Variants in CTSS observed in about 807,000 individuals in gnomAD.
CTSS encodes cathepsin S.
CTSS carries 15 observed loss-of-function variants against 39.9 expected under a neutral mutation model. The observed-to-expected ratio is 0.38, with a 90% CI of 0.25 to 0.58. The LOEUF (loss-of-function observed/expected upper bound fraction) is 0.58. Ranked by LOEUF, CTSS falls within the 20% of genes least tolerant of loss-of-function variation. The pLI, the probability that CTSS is intolerant of heterozygous loss-of-function variation, is 0.70. For synonymous variants in CTSS, 126 were observed against 138.2 expected, an observed-to-expected ratio of 0.91 and a Z score of 0.62; for missense variants, 250 against 398.2, an observed-to-expected ratio of 0.63 and a Z score of 3.17.
intron 1 of CTSS, 22 bp from the exon 2 acceptor site, chr1:150,764,786 A>G: frequency 6.2e-7 from 1 of 1,612,048 alleles, no homozygotes; most frequent in Non-Finnish European, 8.5e-7. Flanking sequence ...AAGGTAACAT[A>G]GGAAGTGTTG....
chr1:150,742,481 T>C (rs1463969960), intron 7 of CTSS, among the ~76,000 whole-genome samples: 1 of 152,076 alleles, frequency 6.6e-6, no homozygotes, highest in Non-Finnish European at 1.5e-5. Flanking sequence ...TATGAAAATA[T>C]AGTGGAAGAA....
chr1:150,764,414 T>C (rs1217092201), intron 2 of CTSS, among the ~76,000 whole-genome samples: 1 of 151,972 alleles, frequency 6.6e-6, no homozygotes, highest in East Asian at 1.9e-4. Context: ...ATTTTTGTAT[T>C]TTTAGTAGAG....
chr1:150,740,039 T>C lies in CTSS; in HGVS notation c.897-6894A>G, dbSNP rs374623127. Among the ~76,000 whole-genome samples, 5 of 152,326 alleles carry C rather than the reference T, an allele frequency of 3.3e-5. No homozygotes were observed. The East Asian group carries it at 7.7e-4, about 24-fold the overall frequency. ...CTTGAGGGACGGTAGAAGAGCTGCA[T>C]TTTTCATTTCCAATCGCTAGTTCCT... On this transcript the variant is annotated intron_variant, in intron 7 of 7. Transcript: ENST00000368985.
intron 7 of CTSS, among the ~76,000 whole-genome samples, chr1:150,735,551 C>T (rs587674557): frequency 3.2e-4 from 48 of 152,232 alleles, no homozygotes; most frequent in Middle Eastern, 3.4e-3. Context: ...CAAACTCCAT[C>T]GTCACCTCTA....
chr1:150,761,199 A>G (rs1330039716), intron 2 of CTSS, among the ~76,000 whole-genome samples: 2 of 145,776 alleles, frequency 1.4e-5, no homozygotes, highest in Non-Finnish European at 3.0e-5. Flanking sequence ...AAAAAAAAAG[A>G]GAGAAGAAAG....
At chr1:150,746,815 A>G (rs1259069549) in intron 7 of CTSS, among the ~76,000 whole-genome samples, 1 of 152,196 alleles carries the variant, frequency 6.6e-6, no homozygotes, top group Non-Finnish European at 1.5e-5. Flanking sequence ...AGGAGGCAAC[A>G]AATGCCAGGA....
intron 5 of CTSS, among the ~76,000 whole-genome samples, chr1:150,751,256 T>C (rs1021903521): frequency 4.6e-5 from 7 of 152,140 alleles, no homozygotes; most frequent in African/African-American, 1.4e-4. Flanking sequence ...GCTTAAAATC[T>C]GTTTAATTTT....
chr1:150,738,520 A>G (rs1652681875), intron 7 of CTSS, among the ~76,000 whole-genome samples: 2 of 146,196 alleles, frequency 1.4e-5, no homozygotes, highest in Admixed American at 1.4e-4. Flanking sequence ...ATAGGATCTC[A>G]CTCTGTCATC....
At chr1:150,746,621 A>G (rs1652901292) in intron 7 of CTSS, among the ~76,000 whole-genome samples, 1 of 152,200 alleles carries the variant, frequency 6.6e-6, no homozygotes, top group Non-Finnish European at 1.5e-5. Flanking sequence ...GATTCAGGAA[A>G]GACTTTTCTG....
At chr1:150,750,262 CCTTT>C in intron 5 of CTSS, 91 bp from the exon 6 acceptor site, 1 of 1,039,586 alleles carries the variant, frequency 9.6e-7, no homozygotes, top group South Asian at 1.7e-5. Context: ...TGTCTCCCTT[CCTTT>C]CTTTAACTTT....
chr1:150,764,811 T>C, intron 1 of CTSS, 47 bp from the exon 2 acceptor site: 1 of 1,597,608 alleles, frequency 6.3e-7, no homozygotes, highest in Non-Finnish European at 8.6e-7. Flanking sequence ...TAGCTGCATA[T>C]GTTGTGACCA....
At chr1:150,740,949 A>G (rs1356777258) in intron 7 of CTSS, among the ~76,000 whole-genome samples, 3 of 151,992 alleles carry the variant, frequency 2.0e-5, no homozygotes. Context: ...CAGCCTCCCA[A>G]AGTGCTGGGA....
At chr1:150,739,290 A>T (rs1036735969) in intron 7 of CTSS, among the ~76,000 whole-genome samples, 9 of 152,336 alleles carry the variant, frequency 5.9e-5, no homozygotes, top group South Asian at 4.1e-4. Context: ...GCTAGAAATG[A>T]TTATGCTTTG....
At chr1:150,743,140 G>C (rs1652802751) in intron 7 of CTSS, among the ~76,000 whole-genome samples, 1 of 152,028 alleles carries the variant, frequency 6.6e-6, no homozygotes, top group Non-Finnish European at 1.5e-5. Flanking sequence ...CATGTAACAG[G>C]CAGGTGGATA....
chr1:150,755,146 C>T lies in CTSS; in HGVS notation c.254G>A (p.Ser85Asn), dbSNP rs201021380. The T allele has an allele frequency of 1.1e-5, 17 of 1,613,944 alleles. No individual in the cohort carries two copies. The highest frequency in any genetic ancestry group is 1.7e-5 in the Admixed American group (1 of 60,004). The change falls in exon 4 of 8, where the codon AGT (serine) becomes AAT (asparagine). Residue 85 changes from serine (S) to asparagine (N), a missense_variant. By Grantham distance (46) the Ser-to-Asn change is conservative. Coordinates refer to ENST00000368985, the MANE Select transcript of CTSS (RefSeq NM_004079.5). ...ACTCATCAAAGACATCACTTCTTCA[C>T]TGGTCTACAAAGCAAATATACAGTC... ...LGMNHLGDMT[S>N]EEVMSLMSSL...
chr1:150,748,824 A>G (rs759283714), intron 6 of CTSS, among the ~76,000 whole-genome samples: 15 of 152,220 alleles, frequency 9.9e-5, no homozygotes, highest in Non-Finnish European at 2.2e-4. Flanking sequence ...TTTTCCCAAA[A>G]GCATGTGCTC....
Position 150,764,735 on chromosome 1 carries a change from A to T in CTSS, c.29T>A (p.Val10Glu). 6.2e-7 allele frequency: 1 copy of T among 1,614,112 alleles called. No homozygotes were observed. Among genetic ancestry groups the T allele is most frequent in the African/African-American group, 1.3e-5 (1 of 75,030 alleles). ...CAACTGTGCCACTGCAGAGGAGCAC[A>T]CCAAGAGCACACAAACCAGCCGTTT... MKRLVCVLL[V>E]CSSAVAQLHK... The change falls in exon 2 of 8, where the codon GTG (valine) becomes GAG (glutamate). Residue 10 changes from valine (V) to glutamate (E), a missense_variant. Coordinates refer to ENST00000368985, the MANE Select transcript of CTSS (RefSeq NM_004079.5).
chr1:150,742,721 C>G (rs1054711356), intron 7 of CTSS, among the ~76,000 whole-genome samples: 17 of 151,886 alleles, frequency 1.1e-4, no homozygotes, highest in African/African-American at 2.9e-4. Flanking sequence ...ATTCACAGGC[C>G]AAATGGATAG....
rs1412339124 is a variant in CTSS at position 150,731,933 on chromosome 1, G to T, written c.*1113C>A. On this transcript the variant is annotated 3_prime_UTR_variant, in exon 8 of 8. Transcript: ENST00000368985. ...TTGAATCCTCTTTTTTTAAGACAGG[G>T]TCTTGCTCTGTCACCCAGGCTGGAG... 1 of 151,978 alleles carries T rather than the reference G, an allele frequency of 6.6e-6. No individual in the cohort carries two copies. The highest frequency in any genetic ancestry group is 6.6e-5 in the Admixed American group (1 of 15,240). 9.4% of individuals were successfully genotyped at this position (151,978 alleles called of 1,614,324 possible).
Sources: gnomAD v4.1 joint callset for allele counts (sites outside exome capture counted in the v4.1 genomes callset) on GRCh38, gnomAD v4.1.1 for gene constraint, MANE v1.5 for transcripts, NCBI Gene and HGNC (gene_info 2026-07-23, HGNC 2026-07-21) for gene names.